Variants in NLN observed in about 807,000 individuals in gnomAD.
NLN encodes the protein neurolysin, mitochondrial.
NLN carries 64 observed loss-of-function variants against 79.9 expected under a neutral mutation model. The ratio of observed to expected loss-of-function variants is 0.80; its 90% CI spans 0.65 to 0.99. The LOEUF (loss-of-function observed/expected upper bound fraction) is 0.99, where lower values mean the gene tolerates loss of function less well. Among genes scored for constraint, NLN ranks in the 50% least tolerant of loss-of-function variants. The pLI, the probability that NLN is intolerant of heterozygous loss-of-function variation, is 0.00. For missense variants in NLN, 835 were observed against 858.7 expected (o/e 0.97, Z 0.34); for synonymous variants, 267 against 296.6 (o/e 0.90, Z 1.02).
At chr5:65,814,541 C>T (rs1378429196) in intron 12 of NLN, among the ~76,000 whole-genome samples, 1 of 152,118 alleles carries the variant, frequency 6.6e-6, no homozygotes, top group Non-Finnish European at 1.5e-5. Context: ...TTATCCAAAA[C>T]CAAAAGTGAT....
chr5:65,799,620 A>C (rs1239926820), intron 9 of NLN, among the ~76,000 whole-genome samples: 1 of 152,238 alleles, frequency 6.6e-6, no homozygotes, highest in Non-Finnish European at 1.5e-5. Flanking sequence ...CATCTTAAAA[A>C]GAAGCAGTTT....
At chr5:65,790,486 C>T (rs1469160097) in intron 8 of NLN, among the ~76,000 whole-genome samples, 1 of 152,194 alleles carries the variant, frequency 6.6e-6, no homozygotes, top group Non-Finnish European at 1.5e-5. Flanking sequence ...CATCCTTCTT[C>T]ACGTGGCGGC....
rs1385161300 is a variant in NLN at position 65,827,532 on chromosome 5, G to C, written c.*4617G>C. The C allele has an allele frequency of 6.6e-6, 1 of 152,184 alleles. No individual in the cohort carries two copies. Among genetic ancestry groups the C allele is most frequent in the Admixed American group, 6.5e-5 (1 of 15,270 alleles). The allele number at this position is 152,184 out of a possible 1,614,324, so 9.4% of individuals were successfully genotyped here. On this transcript the variant is annotated 3_prime_UTR_variant, in exon 13 of 13. Coordinates refer to ENST00000380985, the MANE Select transcript of NLN (RefSeq NM_020726.5). ...TCTTTGTGGCTAAGATGGAGAATGT[G>C]ACTGGATAATAGTTATCCAGGTGGA...
At chr5:65,732,858 G>T (rs1464168654) in intron 1 of NLN, 1 of 404,534 alleles carries the variant, frequency 2.5e-6, no homozygotes, top group East Asian at 4.7e-5. Context: ...AAATGGAGCT[G>T]CCCCTGAATG....
At chr5:65,809,760 G>A (rs1760503198) in intron 10 of NLN, 59 bp downstream of exon 10, 1 of 1,300,020 alleles carries the variant, frequency 7.7e-7, no homozygotes, top group South Asian at 1.5e-5. Context: ...TAGAATTGCT[G>A]TCACCTTCTT....
intron 1 of NLN, among the ~76,000 whole-genome samples, chr5:65,753,700 A>G (rs1031135606): frequency 6.6e-5 from 10 of 151,860 alleles, no homozygotes; most frequent in Non-Finnish European, 1.2e-4. Flanking sequence ...AAATTTGTCT[A>G]TAGTCATTGG....
intron 1 of NLN, among the ~76,000 whole-genome samples, chr5:65,743,118 A>G (rs1177892099): frequency 6.6e-6 from 1 of 152,232 alleles, no homozygotes; most frequent in Non-Finnish European, 1.5e-5. Flanking sequence ...AATGTCTTCA[A>G]TTCCTCTCCT....
chr5:65,809,969 A>G lies in NLN; in HGVS notation c.1715-68A>G, dbSNP rs987455617. On this transcript the variant is annotated intron_variant, in intron 10 of 12. Coordinates refer to ENST00000380985, the MANE Select transcript of NLN (RefSeq NM_020726.5). ...CTGGAATCTGTTTTTGGAATCTACA[A>G]TCTTGTGATAATAAAACACACAGTT... 9.6e-5 allele frequency: 150 copies of G among 1,555,682 alleles called. No homozygotes were observed. The African/African-American group carries it at 1.4e-3, about 14-fold the overall frequency.
rs1317837073 is a variant in NLN, at chr5:65,823,149, A to T, written c.*234A>T. The T allele has an allele frequency of 2.3e-5, 9 of 397,324 alleles. No individual in the cohort carries two copies. The highest frequency in any genetic ancestry group is 6.2e-5 in the African/African-American group (3 of 48,128). 24.6% of individuals were successfully genotyped at this position (397,324 alleles called of 1,614,324 possible). ...ATAAAATTTCATAAAACTGGATTTGATTTCTTTTTATGAAAGTTTCATATG... is the reference window on the plus strand; with the variant it reads ...ATAAAATTTCATAAAACTGGATTTGTTTTCTTTTTATGAAAGTTTCATATG... On this transcript the variant is annotated 3_prime_UTR_variant, in exon 13 of 13. Transcript: ENST00000380985.
In NLN at chr5:65,827,430, C is replaced by G. The variant is rs1760941800; in HGVS notation, c.*4515C>G. ...ATTGTACTCCTATGATAAAATGTCTCTAGCATTTGTCATGAGAGAAACTGG... is the reference window on the plus strand; with the variant it reads ...ATTGTACTCCTATGATAAAATGTCTGTAGCATTTGTCATGAGAGAAACTGG... On this transcript the variant is annotated 3_prime_UTR_variant, in exon 13 of 13. Coordinates refer to ENST00000380985, the MANE Select transcript of NLN (RefSeq NM_020726.5). 1 of 152,176 alleles carries G rather than the reference C, an allele frequency of 6.6e-6. No homozygotes were observed. The highest frequency in any genetic ancestry group is 2.4e-5 in the African/African-American group (1 of 41,432). 9.4% of individuals were successfully genotyped at this position (152,176 alleles called of 1,614,324 possible).
At chr5:65,794,182 A>G (rs1760122950) in intron 9 of NLN, among the ~76,000 whole-genome samples, 1 of 152,236 alleles carries the variant, frequency 6.6e-6, no homozygotes, top group Non-Finnish European at 1.5e-5. Flanking sequence ...AGGTCCTAGA[A>G]CAGTGCTGAC....
At chr5:65,805,247 T>C (rs1760387708) in intron 9 of NLN, among the ~76,000 whole-genome samples, 1 of 152,184 alleles carries the variant, frequency 6.6e-6, no homozygotes, top group Admixed American at 6.5e-5. Context: ...TACAATGATC[T>C]GTAAGTGTTC....
rs116873759 is a variant in NLN at position 65,745,963 on chromosome 5, G to A, written c.42-12604G>A. 8.5e-3 allele frequency among the ~76,000 whole-genome samples: 1,295 copies of A among 152,344 alleles called. 19 individuals are homozygous for A. The highest frequency in any genetic ancestry group is 0.043 in the East Asian group (223 of 5,190). On this transcript the variant is annotated intron_variant, in intron 1 of 12. Transcript: ENST00000380985. Reference sequence around the variant, plus strand: ...CAGTTTTGGTTCTGGGGGCAAGGAAGATGAGCAATTTAATTTTAGACATAC... The same window carrying A: ...CAGTTTTGGTTCTGGGGGCAAGGAAAATGAGCAATTTAATTTTAGACATAC...
rs1760573455 is a variant in NLN, at chr5:65,812,397, G to C, written c.1980+6G>C. 1 of 1,496,126 alleles carries C rather than the reference G, an allele frequency of 6.7e-7. No individual in the cohort carries two copies. Among genetic ancestry groups the C allele is most frequent in the East Asian group, 2.3e-5 (1 of 44,298 alleles). 92.7% of individuals were successfully genotyped at this position (1,496,126 alleles called of 1,614,324 possible). On this transcript the variant is annotated splice_donor_region_variant and intron_variant, in intron 12 of 12. Coordinates refer to ENST00000380985, the MANE Select transcript of NLN (RefSeq NM_020726.5). ...AAGGGATAATGAATCCAGAGGTATAGTATTATTTTTCTCCTTTTATTAATT... is the reference window on the plus strand; with the variant it reads ...AAGGGATAATGAATCCAGAGGTATACTATTATTTTTCTCCTTTTATTAATT...
chr5:65,738,935 T>TAA, intron 1 of NLN, among the ~76,000 whole-genome samples: 4 of 114,486 alleles, frequency 3.5e-5, no homozygotes, highest in Admixed American at 8.8e-5. Flanking sequence ...TGTGTATATA[T>TAA]ATTTTTTATA....
chr5:65,733,481 G>A, intron 1 of NLN: 2 of 1,382,648 alleles, frequency 1.4e-6, no homozygotes, highest in South Asian at 1.2e-5. Flanking sequence ...CCCATCTGGA[G>A]AGTCTTGACA....
intron 8 of NLN, among the ~76,000 whole-genome samples, chr5:65,789,005 G>A (rs1158064878): frequency 6.6e-6 from 1 of 151,894 alleles, no homozygotes; most frequent in Non-Finnish European, 1.5e-5. Context: ...GCCAGGTGTG[G>A]TGTGCACACC....
intron 2 of NLN, among the ~76,000 whole-genome samples, chr5:65,762,512 G>A (rs1759359648): frequency 6.6e-6 from 1 of 151,930 alleles, no homozygotes; most frequent in African/African-American, 2.4e-5. Flanking sequence ...TGGCAAAACT[G>A]CAGCTCTACA....
chr5:65,725,653 C>G (rs1758451979), intron 1 of NLN, among the ~76,000 whole-genome samples: 1 of 152,156 alleles, frequency 6.6e-6, no homozygotes, highest in Admixed American at 6.5e-5. Flanking sequence ...TTCCAAAATT[C>G]TAGTTTTCAC....
Sources: gnomAD v4.1 joint callset for allele counts (sites outside exome capture counted in the v4.1 genomes callset) on GRCh38, gnomAD v4.1.1 for gene constraint, MANE v1.5 for transcripts, NCBI Gene and HGNC (gene_info 2026-07-23, HGNC 2026-07-21) for gene names.